TMEM108: variants seen among roughly 807,000 people sequenced by gnomAD.
TMEM108 encodes cancer/testis antigen 124.
A neutral mutation model predicts 35.1 loss-of-function variants in TMEM108; 12 were observed. The ratio of observed to expected loss-of-function variants is 0.34; its 90% CI spans 0.22 to 0.55. The LOEUF (loss-of-function observed/expected upper bound fraction) is 0.55, where lower values mean the gene tolerates loss of function less well. TMEM108 is among the 20% of genes least tolerant of loss of function. The probability of loss-of-function intolerance (pLI) is 0.89; values close to 1 mark genes in which losing one functional copy is unlikely to be tolerated. For synonymous variants in TMEM108, 287 were observed against 308.6 expected, an observed-to-expected ratio of 0.93 and a Z score of 0.73; for missense variants, 680 against 753.3, an observed-to-expected ratio of 0.90 and a Z score of 1.14.
chr3:133,324,632 T>C (rs2071307303), intron 3 of TMEM108, among the ~76,000 whole-genome samples: 1 of 152,318 alleles, frequency 6.6e-6, no homozygotes, highest in East Asian at 1.9e-4. Context: ...GAACTAAAAG[T>C]AGAGCTACCA....
intron 2 of TMEM108, among the ~76,000 whole-genome samples, chr3:133,198,453 G>A (rs978351227): frequency 5.3e-5 from 8 of 152,216 alleles, no homozygotes; most frequent in Admixed American, 4.6e-4. Context: ...GTTCCCTCAA[G>A]AGGATAAAAT....
At chr3:133,339,641 C>T (rs2071604130) in intron 3 of TMEM108, among the ~76,000 whole-genome samples, 1 of 151,902 alleles carries the variant, frequency 6.6e-6, no homozygotes, top group Non-Finnish European at 1.5e-5. Flanking sequence ...CCAGTGGCTG[C>T]AGAATACATA....
At chr3:133,276,594 G>A (rs895040224) in intron 3 of TMEM108, among the ~76,000 whole-genome samples, 6 of 152,150 alleles carry the variant, frequency 3.9e-5, no homozygotes, top group Admixed American at 1.3e-4. Context: ...TGATTTGGGG[G>A]TTTCTTAATC....
At chr3:133,354,732 A>G (rs758767078) in intron 3 of TMEM108, among the ~76,000 whole-genome samples, 7 of 152,062 alleles carry the variant, frequency 4.6e-5, no homozygotes, top group Non-Finnish European at 7.4e-5. Context: ...AGAGGGGCAT[A>G]AGGAGCCAGG....
At chr3:133,217,284 T>C (rs1945923028) in intron 2 of TMEM108, among the ~76,000 whole-genome samples, 1 of 152,112 alleles carries the variant, frequency 6.6e-6, no homozygotes, top group South Asian at 2.1e-4. Context: ...TCTGGTTGTT[T>C]TCTTACTATT....
intron 2 of TMEM108, among the ~76,000 whole-genome samples, chr3:133,166,111 G>A (rs1011198075): frequency 2.6e-5 from 4 of 152,172 alleles, no homozygotes; most frequent in African/African-American, 9.7e-5. Context: ...TTGTTTTAAT[G>A]TTGCTTATAT....
chr3:133,078,486 G>T (rs180864464), intron 2 of TMEM108, among the ~76,000 whole-genome samples: 4 of 152,254 alleles, frequency 2.6e-5, no homozygotes, highest in Admixed American at 2.6e-4. Context: ...TGAGTGGCTA[G>T]GGTTAGATTA....
intron 3 of TMEM108, among the ~76,000 whole-genome samples, chr3:133,302,916 C>T (rs1947250339): frequency 6.6e-6 from 1 of 152,096 alleles, no homozygotes; most frequent in South Asian, 2.1e-4. Flanking sequence ...TTATTTCACG[C>T]CTTGGTGAAC....
chr3:133,128,098 G>T (rs1332261263), intron 2 of TMEM108, among the ~76,000 whole-genome samples: 2 of 152,144 alleles, frequency 1.3e-5, no homozygotes, highest in African/African-American at 4.8e-5. Flanking sequence ...CAGAAGTTTT[G>T]CCCCACACCT....
chr3:133,304,795 T>C (rs1947278510), intron 3 of TMEM108, among the ~76,000 whole-genome samples: 1 of 152,106 alleles, frequency 6.6e-6, no homozygotes. Context: ...TTAACAATAA[T>C]GTTAGGCCTG....
intron 3 of TMEM108, among the ~76,000 whole-genome samples, chr3:133,288,601 C>T (rs898027735): frequency 6.6e-6 from 1 of 152,116 alleles, no homozygotes; most frequent in African/African-American, 2.4e-5. Context: ...TGAAACACTC[C>T]ACCTCCTACC....
At chr3:133,255,445 A>G (rs1025848555) in intron 3 of TMEM108, among the ~76,000 whole-genome samples, 13 of 152,320 alleles carry the variant, frequency 8.5e-5, no homozygotes, top group African/African-American at 1.2e-4. Context: ...AAAAATATCA[A>G]TGTACTAAAA....
At chr3:133,373,673 G>A (rs1027502777) in intron 3 of TMEM108, among the ~76,000 whole-genome samples, 1 of 152,198 alleles carries the variant, frequency 6.6e-6, no homozygotes, top group African/African-American at 2.4e-5. Flanking sequence ...TGGCAAGGTT[G>A]TGTGCTGTTG....
intron 2 of TMEM108, among the ~76,000 whole-genome samples, chr3:133,123,020 G>A (rs1274672861): frequency 6.6e-6 from 1 of 152,076 alleles, no homozygotes; most frequent in African/African-American, 2.4e-5. Flanking sequence ...TGTTCTATTT[G>A]TATACAAGCA....
intron 2 of TMEM108, among the ~76,000 whole-genome samples, chr3:133,094,098 C>A (rs1305667616): frequency 2.0e-5 from 3 of 151,984 alleles, no homozygotes; most frequent in Admixed American, 6.6e-5. Flanking sequence ...TCCTTGTTTC[C>A]AAAGGAAATT....
intron 3 of TMEM108, among the ~76,000 whole-genome samples, chr3:133,243,978 G>A (rs1224450864): frequency 6.6e-6 from 1 of 152,124 alleles, no homozygotes; most frequent in Non-Finnish European, 1.5e-5. Context: ...GGGAAGAAAG[G>A]ATGAGTATCA....
intron 2 of TMEM108, among the ~76,000 whole-genome samples, chr3:133,182,550 G>A (rs1945362629): frequency 6.6e-6 from 1 of 152,130 alleles, no homozygotes; most frequent in Non-Finnish European, 1.5e-5. Context: ...CTGGTTTGAA[G>A]GTTCATGATA....
chr3:133,068,502 A>C (rs1943637656), intron 2 of TMEM108, among the ~76,000 whole-genome samples: 1 of 152,150 alleles, frequency 6.6e-6, no homozygotes, highest in Non-Finnish European at 1.5e-5. Context: ...GAGAAATCTT[A>C]TACCACCTCC....
At chr3:133,309,682 C>CTTTTTTTTTTTTTTTTTTTTTTTTTT (rs148272827) in intron 3 of TMEM108, among the ~76,000 whole-genome samples, 1 of 69,138 alleles carries the variant, frequency 1.4e-5, no homozygotes, top group African/African-American at 5.9e-5. Flanking sequence ...GAGTGAGTTT[C>CTTTTTTTTTTTTTTTTTTTTTTTTTT]TTTTTTTTTT....
Sources: gnomAD v4.1 joint callset for allele counts (sites outside exome capture counted in the v4.1 genomes callset) on GRCh38, gnomAD v4.1.1 for gene constraint, MANE v1.5 for transcripts, NCBI Gene and HGNC (gene_info 2026-07-23, HGNC 2026-07-21) for gene names.